Variants in MUC3A observed in about 807,000 individuals in gnomAD.
The protein encoded by MUC3A is mucin 3A, cell surface associated, also known as mucin-3A.
MUC3A carries 109 observed loss-of-function variants against 109.0 expected under a neutral mutation model. The ratio of observed to expected loss-of-function variants is 1.00; its 90% CI spans 0.86 to 1.17. The LOEUF (loss-of-function observed/expected upper bound fraction) is 1.17, where lower values mean the gene tolerates loss of function less well. Among genes scored for constraint, MUC3A ranks in the 50% most tolerant of loss-of-function variants. MUC3A has a pLI of 0.00. For synonymous variants in MUC3A, 1,398 were observed against 981.4 expected (o/e 1.42, Z -7.93); for missense variants, 3,537 against 2,469.4 (o/e 1.43, Z -9.16).
At position 100,955,340 on chromosome 7, in the gene MUC3A, C is replaced by G. The variant is rs1267305150; in HGVS notation, c.3561C>G (p.Thr1187=). The G allele has an allele frequency of 2.7e-6, 2 of 728,234 alleles. No homozygotes were observed. The highest frequency in any genetic ancestry group is 2.5e-6 in the Non-Finnish European group (1 of 401,716). The allele number at this position is 728,234 out of a possible 1,614,324, so 45.1% of individuals were successfully genotyped here. A position where few individuals can be genotyped will look rare whatever the true frequency, so the allele number is the denominator to read the frequency against. Residue 1187 remains threonine, a synonymous_variant, in exon 2 of 12, where the codon ACC becomes ACG. Transcript: ENST00000379458. Reference sequence around the variant, plus strand: ...CCATGGTAACTTCCACAACCATGACCCCATCTTCTCTGAGTACAGACACCC... The same window carrying G: ...CCATGGTAACTTCCACAACCATGACGCCATCTTCTCTGAGTACAGACACCC... ...SGTMVTSTTM[T]PSSLSTDTPS...
chr7:100,952,160 G>A lies in MUC3A; in HGVS notation c.381G>A (p.Glu127=), dbSNP rs773487533. The change falls in exon 2 of 12, where the codon GAG becomes GAA. Residue 127 remains glutamate (E), a synonymous_variant. Transcript: ENST00000379458. ...PTVLVYSATT[E]CVYPTSFIIT... ...TGTTGGTCTATTCAGCCACCACTGA[G>A]TGCGTGTATCCAACGAGCTTTATAA... 7.5e-6 allele frequency: 12 copies of A among 1,598,386 alleles called. No homozygotes were observed. The East Asian group carries it at 2.2e-4, about 30-fold the overall frequency.
At position 100,957,543 on chromosome 7, in the gene MUC3A, C is replaced by T; in HGVS notation, c.5764C>T (p.Pro1922Ser). 4 of 1,544,850 alleles carry T rather than the reference C, an allele frequency of 2.6e-6. No homozygotes were observed. In the African/African-American group the frequency reaches 4.4e-5, roughly 17 times the overall value. ...ATTETPSHST[P>S]RFTSSITTTE... The stretch of plus-strand genomic sequence containing the variant: ...CACCGAGACCCCCTCACACAGTACT[C>T]CCAGATTCACTTCTTCAATCACCAC... Residue 1922 changes from proline to serine, a missense_variant, in exon 2 of 12, where the codon CCC becomes TCC. Coordinates refer to ENST00000379458, the MANE Select transcript of MUC3A (RefSeq NM_005960.2).
intron 8 of MUC3A, 128 bp from the exon 9 acceptor site, chr7:100,966,258 T>TGTAGGGTGGAACCCCCCAGCTTGCC: frequency 4.7e-6 from 2 of 423,174 alleles, no homozygotes; most frequent in Non-Finnish European, 6.2e-6. Flanking sequence ...CAGCCCCTTG[T>TGTAGGGTGGAACCCCCCAGCTTGCC]CTAGGGTGGA....
intron 5 of MUC3A, chr7:100,964,283 A>C (rs1297877818): frequency 6.1e-6 from 1 of 162,666 alleles, no homozygotes; most frequent in Non-Finnish European, 1.3e-5. Flanking sequence ...CAGTAAAAAT[A>C]GTAATAATAA....
chr7:100,965,080 T>C (rs920598948), intron 6 of MUC3A: 56 of 1,122,448 alleles, frequency 5.0e-5, no homozygotes, highest in Middle Eastern at 2.2e-4. Context: ...CCCGGATGGC[T>C]GAAGACCTCG....
At chr7:100,965,488 C>G in intron 7 of MUC3A, 141 bp downstream of exon 7, 1 of 1,457,384 alleles carries the variant, frequency 6.9e-7, no homozygotes, top group Non-Finnish European at 9.2e-7. Flanking sequence ...CTTCCTGGCG[C>G]TGGTTAGTGG....
Position 100,958,796 on chromosome 7 carries a change from C to T in MUC3A, c.7017C>T (p.Arg2339=), listed in dbSNP as rs10953310. ...TTTETTSHNT[R]SFTSSITTTE... is the part of the protein sequence containing the mutation. ...CCGAGACCACCTCACACAATACTCG[C>T]AGCTTCACTTCTTCGATCACCACCA... Residue 2339 remains arginine (R), a synonymous_variant, in exon 2 of 12, where the codon CGC becomes CGT. Transcript: ENST00000379458. The T allele has an allele frequency of 1.0e-5, 13 of 1,263,896 alleles. No individual in the cohort carries two copies. Among genetic ancestry groups the T allele is most frequent in the South Asian group, 1.5e-5 (1 of 65,624 alleles). 78.3% of individuals were successfully genotyped at this position (1,263,896 alleles called of 1,614,324 possible).
At chr7:100,964,947 T>C in intron 6 of MUC3A, 104 bp downstream of exon 6, 1 of 1,465,292 alleles carries the variant, frequency 6.8e-7, no homozygotes, top group Non-Finnish European at 9.0e-7. Context: ...CTGTGGTACC[T>C]CTGGCAGGTT....
rs763475818 is a variant in MUC3A, at chr7:100,951,918, T to G, written c.139T>G (p.Ser47Ala). Residue 47 changes from serine (S) to alanine (A), a missense_variant, in exon 2 of 12, where the codon TCT (serine) becomes GCT (alanine). By Grantham distance (99) the Ser-to-Ala change is moderately conservative (BLOSUM62 1). Transcript: ENST00000379458. Reference sequence around the variant, plus strand: ...AGCAGCCAGCGCTGTGCTCAGCAATTCTCCACACTCCAGAGACCTGGCTGG... The same window carrying G: ...AGCAGCCAGCGCTGTGCTCAGCAATGCTCCACACTCCAGAGACCTGGCTGG... ...AEAASAVLSN[S>A]PHSRDLAGWP... The G allele has an allele frequency of 3.8e-5, 60 of 1,598,508 alleles. No homozygotes were observed. Among genetic ancestry groups the G allele is most frequent in the Non-Finnish European group, 4.8e-5 (57 of 1,179,786 alleles).
In MUC3A at chr7:100,963,200, C is replaced by G; in HGVS notation, c.9102C>G (p.Phe3034Leu). The change falls in exon 4 of 12, where the codon TTC becomes TTG. Residue 3034 changes from phenylalanine (F) to leucine (L), a missense_variant. Physicochemically the swap from Phe to Leu is conservative, Grantham distance 22. Coordinates refer to ENST00000379458, the MANE Select transcript of MUC3A (RefSeq NM_005960.2). ...TGGAAGTGTCTGTGGATCAGCAGTTCTCGCCGGACCTCAATGACAACACTT... is the reference window on the plus strand; with the variant it reads ...TGGAAGTGTCTGTGGATCAGCAGTTGTCGCCGGACCTCAATGACAACACTT... ...VGMEVSVDQQFSPDLNDNTSQ... is the reference protein window; with the variant it reads ...VGMEVSVDQQLSPDLNDNTSQ... 6.3e-7 allele frequency: 1 copy of G among 1,598,348 alleles called. No homozygotes were observed. Among genetic ancestry groups the G allele is most frequent in the Non-Finnish European group, 8.5e-7 (1 of 1,179,756 alleles).
chr7:100,952,299 T>C lies in MUC3A; in HGVS notation c.520T>C (p.Tyr174His), dbSNP rs753905164. 1 of 1,598,404 alleles carries C rather than the reference T, an allele frequency of 6.3e-7. No homozygotes were observed. The highest frequency in any genetic ancestry group is 1.3e-5 in the African/African-American group (1 of 74,954). Residue 174 changes from tyrosine (Y) to histidine (H), a missense_variant, in exon 2 of 12, where the codon TAC (tyrosine) becomes CAC (histidine). Transcript: ENST00000379458. ...GCCAGTGACCACCGTCACCAGTACTTACTCTATGACCACTACTGAGAAAGG... is the reference window on the plus strand; with the variant it reads ...GCCAGTGACCACCGTCACCAGTACTCACTCTATGACCACTACTGAGAAAGG... Reference protein sequence around the residue: ...QKPVTTVTSTYSMTTTEKGTS... With the variant: ...QKPVTTVTSTHSMTTTEKGTS...
chr7:100,951,413 G>A (rs944491804), intron 1 of MUC3A, among the ~76,000 whole-genome samples: 15 of 151,880 alleles, frequency 9.9e-5, no homozygotes, highest in Non-Finnish European at 1.3e-4. Flanking sequence ...GCAGGGTGCC[G>A]GGAGAAGCAG....
chr7:100,955,193 C>T lies in MUC3A; in HGVS notation c.3414C>T (p.Thr1138=), dbSNP rs959988427. The change falls in exon 2 of 12, where the codon ACC becomes ACT. Residue 1138 remains threonine, a synonymous_variant. Transcript: ENST00000379458. ...TETATMTPTT[T]LITTTPNTTS... Reference sequence around the variant, plus strand: ...CAGCCACGATGACTCCTACCACAACCTTGATAACCACCACCCCTAATACCA... The same window carrying T: ...CAGCCACGATGACTCCTACCACAACTTTGATAACCACCACCCCTAATACCA... 100 of 489,062 alleles carry T rather than the reference C, an allele frequency of 2.0e-4. No homozygotes were observed. Among genetic ancestry groups the T allele is most frequent in the Admixed American group, 5.6e-4 (18 of 32,152 alleles). The allele number at this position is 489,062 out of a possible 1,614,324, so 30.3% of individuals were successfully genotyped here.
At chr7:100,950,464 T>C (rs1057499957) in intron 1 of MUC3A, among the ~76,000 whole-genome samples, 4 of 152,306 alleles carry the variant, frequency 2.6e-5, no homozygotes, top group Admixed American at 2.6e-4. Context: ...CCCTTCTCAG[T>C]CACCTCCAGG....
At position 100,957,133 on chromosome 7, in the gene MUC3A, C is replaced by A; in HGVS notation, c.5354C>A (p.Thr1785Lys). 1 of 459,196 alleles carries A rather than the reference C, an allele frequency of 2.2e-6. No individual in the cohort carries two copies. The highest frequency in any genetic ancestry group is 3.6e-5 in the Admixed American group (1 of 27,858). 28.4% of individuals were successfully genotyped at this position (459,196 alleles called of 1,614,324 possible). Residue 1785 changes from threonine (T) to lysine (K), a missense_variant, in exon 2 of 12, where the codon ACA (threonine) becomes AAA (lysine). Physicochemically the swap from Thr to Lys is moderately conservative, Grantham distance 78 (BLOSUM62 -1). Transcript: ENST00000379458. The part of the protein sequence containing the change: ...SMTTTTPLGP[T>K]ATNTLPSFTS... ...ACAACTACCACCCCTCTAGGGCCCACAGCCACTAATACGTTACCATCATTT... is the reference window on the plus strand; with the variant it reads ...ACAACTACCACCCCTCTAGGGCCCAAAGCCACTAATACGTTACCATCATTT...
At position 100,965,796 on chromosome 7, in the gene MUC3A, T is replaced by C. The variant is rs1304427579; in HGVS notation, c.9541T>C (p.Ser3181Pro). ...TRLRCVTKCT[S>P]GVDNAIDCHQ... Reference sequence around the variant, plus strand: ...GCTCCGCTGTGTCACCAAATGCACGTCGGGGGTGGACAACGCCATCGACTG... The same window carrying C: ...GCTCCGCTGTGTCACCAAATGCACGCCGGGGGTGGACAACGCCATCGACTG... Residue 3181 changes from serine to proline, a missense_variant, in exon 8 of 12, where the codon TCG (serine) becomes CCG (proline). By Grantham distance (74) the Ser-to-Pro change is moderately conservative. Transcript: ENST00000379458. 1 of 1,597,542 alleles carries C rather than the reference T, an allele frequency of 6.3e-7. No individual in the cohort carries two copies. Among genetic ancestry groups the C allele is most frequent in the Non-Finnish European group, 8.5e-7 (1 of 1,179,116 alleles).
chr7:100,959,901 C>A lies in MUC3A; in HGVS notation c.8122C>A (p.His2708Asn). The A allele has an allele frequency of 6.5e-7, 1 of 1,531,600 alleles. No homozygotes were observed. The highest frequency in any genetic ancestry group is 8.7e-7 in the Non-Finnish European group (1 of 1,149,196). The allele number at this position is 1,531,600 out of a possible 1,614,324, so 94.9% of individuals were successfully genotyped here. A position where few individuals can be genotyped will look rare whatever the true frequency, so the allele number is the denominator to read the frequency against. The change falls in exon 2 of 12, where the codon CAT (histidine) becomes AAT (asparagine). Residue 2708 changes from histidine to asparagine, a missense_variant. Coordinates refer to ENST00000379458, the MANE Select transcript of MUC3A (RefSeq NM_005960.2). ...AACTCCAGTGTTTTCCACTACCATT[C>A]ATTCTGTTCCTTCTTCACCATACAT... ...SITPVFSTTI[H>N]SVPSSPYIFS...
In MUC3A at chr7:100,960,636, A is replaced by G; in HGVS notation, c.8857A>G (p.Thr2953Ala). ...GATGACCACACAGTCCACGTTGACCACCACTGCAGGTTGGACCTTCTGCCT... is the reference window on the plus strand; with the variant it reads ...GATGACCACACAGTCCACGTTGACCGCCACTGCAGGTTGGACCTTCTGCCT... ...SQMTTQSTLT[T>A]TAGTCDNGGT... The change falls in exon 2 of 12, where the codon ACC (threonine) becomes GCC (alanine). Residue 2953 changes from threonine (T) to alanine (A), a missense_variant. Coordinates refer to ENST00000379458, the MANE Select transcript of MUC3A (RefSeq NM_005960.2). The G allele has an allele frequency of 6.3e-7, 1 of 1,597,392 alleles. No individual in the cohort carries two copies. The highest frequency in any genetic ancestry group is 8.5e-7 in the Non-Finnish European group (1 of 1,179,188).
At position 100,960,043 on chromosome 7, in the gene MUC3A, T is replaced by A. The variant is rs759763686; in HGVS notation, c.8264T>A (p.Ile2755Lys). The change falls in exon 2 of 12, where the codon ATA becomes AAA. Residue 2755 changes from isoleucine (I) to lysine (K), a missense_variant. Coordinates refer to ENST00000379458, the MANE Select transcript of MUC3A (RefSeq NM_005960.2). ...SSSLTTALTEITPFSYISLPS... is the reference protein window; with the variant it reads ...SSSLTTALTEKTPFSYISLPS... ...TCTCTGACCACAGCTCTCACTGAAA[T>A]AACCCCCTTTTCTTATATTTCCCTT... 9 of 1,509,454 alleles carry A rather than the reference T, an allele frequency of 6.0e-6. No individual in the cohort carries two copies. Among genetic ancestry groups the A allele is most frequent in the Non-Finnish European group, 7.0e-6 (8 of 1,140,196 alleles). 93.5% of individuals were successfully genotyped at this position (1,509,454 alleles called of 1,614,324 possible).
Sources: gnomAD v4.1 joint callset for allele counts (sites outside exome capture counted in the v4.1 genomes callset) on GRCh38, gnomAD v4.1.1 for gene constraint, MANE v1.5 for transcripts, NCBI Gene and HGNC (gene_info 2026-07-23, HGNC 2026-07-21) for gene names.